ABCA12: variants seen among roughly 807,000 people sequenced by gnomAD.
ABCA12 encodes the protein glucosylceramide transporter ABCA12.
In ABCA12, 156 loss-of-function variants were observed where a neutral mutation model predicts 293.5. That is an observed-to-expected ratio of 0.53 (90% CI 0.47 to 0.61). The LOEUF (loss-of-function observed/expected upper bound fraction) is 0.61. ABCA12 is among the 20% of genes least tolerant of loss of function. ABCA12 has a pLI of 0.00. For synonymous variants in ABCA12, 1,063 were observed against 1,108.0 expected (o/e 0.96, Z 0.81); for missense variants, 2,797 against 3,090.2 (o/e 0.91, Z 2.25).
At chr2:214,941,682 T>C (rs892902126) in intron 50 of ABCA12, among the ~76,000 whole-genome samples, 2 of 152,206 alleles carry the variant, frequency 1.3e-5, no homozygotes, top group African/African-American at 4.8e-5. Flanking sequence ...CTTGTTGCAT[T>C]GATCCCTTTA....
intron 52 of ABCA12, among the ~76,000 whole-genome samples, chr2:214,933,297 C>T (rs984010409): frequency 1.3e-5 from 2 of 152,114 alleles, no homozygotes; most frequent in Admixed American, 6.6e-5. Context: ...CAAAAACTAT[C>T]GAGAGTCTGT....
Position 214,974,058 on chromosome 2 carries a change from A to G in ABCA12, c.5469-16T>C, listed in dbSNP as rs142349854. On this transcript the variant is annotated splice_polypyrimidine_tract_variant and intron_variant, in intron 35 of 52. Coordinates refer to ENST00000272895, the MANE Select transcript of ABCA12 (RefSeq NM_173076.3). ...TAAACACTGTCTGCAAGTTAAAATG[A>G]TATTGCTGTGAGGTGTGTATGTATA... 4.2e-3 allele frequency: 6,778 copies of G among 1,607,148 alleles called. 218 individuals are homozygous for G. The Admixed American group carries it at 0.077, about 18-fold the overall frequency.
chr2:215,053,361 T>G (rs573249999), intron 4 of ABCA12, among the ~76,000 whole-genome samples: 15 of 152,220 alleles, frequency 9.9e-5, no homozygotes, highest in African/African-American at 3.6e-4. Context: ...TCATCAGCAG[T>G]AGGGCCTAGG....
intron 2 of ABCA12, among the ~76,000 whole-genome samples, chr2:215,072,825 G>A (rs978519973): frequency 2.2e-4 from 33 of 152,178 alleles, no homozygotes; most frequent in African/African-American, 9.7e-5. Context: ...CGCCAGGCGC[G>A]GTGGCTCACG....
At chr2:215,062,350 C>T (rs1701545945) in intron 3 of ABCA12, among the ~76,000 whole-genome samples, 1 of 151,996 alleles carries the variant, frequency 6.6e-6, no homozygotes, top group African/African-American at 2.4e-5. Flanking sequence ...TAGACACTAG[C>T]TGGCAGTGGT....
chr2:214,951,058 A>G lies in ABCA12; in HGVS notation c.6673T>C (p.Ser2225Pro). 1.2e-6 allele frequency: 2 copies of G among 1,614,108 alleles called. No homozygotes were observed. The highest frequency in any genetic ancestry group is 1.7e-6 in the Non-Finnish European group (2 of 1,180,012). ...TCATCTATTGTCTCCCTTACATGTGAAGAATTAAATTTTCTGAAGAAAAGC... is the reference window on the plus strand; with the variant it reads ...TCATCTATTGTCTCCCTTACATGTGGAGAATTAAATTTTCTGAAGAAAAGC... ...LRLFFRKFNS[S>P]HVRETIDEDE... is the part of the protein sequence containing the mutation. The change falls in exon 45 of 53, where the codon TCA becomes CCA. Residue 2225 changes from serine to proline, a missense_variant. Physicochemically the swap from Ser to Pro is moderately conservative, Grantham distance 74 (BLOSUM62 -1). Coordinates refer to ENST00000272895, the MANE Select transcript of ABCA12 (RefSeq NM_173076.3).
At chr2:215,128,982 T>C (rs745564564) in intron 1 of ABCA12, among the ~76,000 whole-genome samples, 1 of 152,206 alleles carries the variant, frequency 6.6e-6, no homozygotes, top group African/African-American at 2.4e-5. Flanking sequence ...TTTTGTCCCA[T>C]GGGGTGTTCC....
rs750042258 is a variant in ABCA12, at chr2:214,948,736, A to T, written c.6964T>A (p.Ser2322Thr). The T allele has an allele frequency of 1.9e-6, 3 of 1,614,042 alleles. No homozygotes were observed. The highest frequency in any genetic ancestry group is 2.5e-6 in the Non-Finnish European group (3 of 1,179,958). ...GNILIRNKTG[S>T]LGHVDSHSSL... Reference sequence around the variant, plus strand: ...CTGTGAGAATCAACGTGACCCAGAGATCTGAATTGAGAGAATCAAAAACAC... The same window carrying T: ...CTGTGAGAATCAACGTGACCCAGAGTTCTGAATTGAGAGAATCAAAAACAC... Residue 2322 changes from serine to threonine, a missense_variant and splice_region_variant, in exon 47 of 53, where the codon TCT becomes ACT. Physicochemically the swap from Ser to Thr is moderately conservative, Grantham distance 58. Transcript: ENST00000272895.
chr2:215,044,896 A>T (rs1360268143), intron 7 of ABCA12, among the ~76,000 whole-genome samples: 12 of 152,318 alleles, frequency 7.9e-5, no homozygotes, highest in South Asian at 2.1e-4. Context: ...TGCTCTAGAC[A>T]TATAAAATAG....
At chr2:215,010,225 G>T in intron 18 of ABCA12, 106 bp downstream of exon 18, 7 of 1,342,502 alleles carry the variant, frequency 5.2e-6, no homozygotes, top group Non-Finnish European at 7.4e-6. Flanking sequence ...AATAATAATA[G>T]TAGGTAAGAT....
At position 214,983,633 on chromosome 2, in the gene ABCA12, C is replaced by G. The variant is rs373644245; in HGVS notation, c.4382+14G>C. On this transcript the variant is annotated intron_variant, in intron 29 of 52. Transcript: ENST00000272895. Reference sequence around the variant, plus strand: ...GAGTTAGCAACTTAGGTTCTCATTCCTGTCTTAACTTGCCTTTTTACTTCC... The same window carrying G: ...GAGTTAGCAACTTAGGTTCTCATTCGTGTCTTAACTTGCCTTTTTACTTCC... 6.2e-7 allele frequency: 1 copy of G among 1,612,130 alleles called. No homozygotes were observed. Among genetic ancestry groups the G allele is most frequent in the East Asian group, 2.2e-5 (1 of 44,854 alleles).
chr2:214,970,310 A>G lies in ABCA12; in HGVS notation c.5653T>C (p.Tyr1885His), dbSNP rs770930932. 14 of 1,613,018 alleles carry G rather than the reference A, an allele frequency of 8.7e-6. No homozygotes were observed. The highest frequency in any genetic ancestry group is 4.5e-5 in the East Asian group (2 of 44,784). ...YNLTGQRVEN[Y>H]LISTANEFVQ... The stretch of plus-strand genomic sequence containing the variant: ...AACTCATTTGCAGTTGATATAAGAT[A>G]ATTTTCCACTCGTTGCCCAGTGAGG... The change falls in exon 37 of 53, where the codon TAT (tyrosine) becomes CAT (histidine). Residue 1885 changes from tyrosine (Y) to histidine (H), a missense_variant. This residue lies in a region of ABCA12 where 2,130 missense variants were observed against 2,427.0 expected (regional missense o/e 0.88). Transcript: ENST00000272895.
At chr2:214,992,462 G>GAAAAAAAAAAAAAAAAAAAAA (rs35911401) in intron 23 of ABCA12, among the ~76,000 whole-genome samples, 1 of 77,358 alleles carries the variant, frequency 1.3e-5, no homozygotes, top group Non-Finnish European at 2.1e-5. Flanking sequence ...AAAAAAAAAT[G>GAAAAAAAAAAAAAAAAAAAAA]AAAAAAAAAA....
At chr2:214,959,668 T>C (rs569777292) in intron 39 of ABCA12, among the ~76,000 whole-genome samples, 1 of 152,270 alleles carries the variant, frequency 6.6e-6, no homozygotes, top group East Asian at 1.9e-4. Flanking sequence ...GGCCTTTTCA[T>C]TGAGACATAA....
chr2:215,135,764 C>T (rs1428791887), intron 1 of ABCA12, among the ~76,000 whole-genome samples: 3 of 152,006 alleles, frequency 2.0e-5, no homozygotes, highest in Non-Finnish European at 2.9e-5. Flanking sequence ...ATTTTATCCC[C>T]CTTTAGATCT....
chr2:214,938,733 T>A (rs1698302272), intron 50 of ABCA12, among the ~76,000 whole-genome samples: 1 of 152,244 alleles, frequency 6.6e-6, no homozygotes, highest in South Asian at 2.1e-4. Flanking sequence ...ATTTTCTTCA[T>A]GTTTGTTGGC....
chr2:215,004,613 T>G (rs1380763727), intron 19 of ABCA12, among the ~76,000 whole-genome samples: 2 of 152,202 alleles, frequency 1.3e-5, no homozygotes. Context: ...GCTATATTAT[T>G]CCTTTTTAAT....
chr2:215,129,796 C>G (rs922338977), intron 1 of ABCA12, among the ~76,000 whole-genome samples: 1 of 152,056 alleles, frequency 6.6e-6, no homozygotes, highest in Non-Finnish European at 1.5e-5. Flanking sequence ...CATTATAAAT[C>G]CTTTGCCTAG....
intron 23 of ABCA12, among the ~76,000 whole-genome samples, chr2:214,993,348 G>A (rs771844453): frequency 7.9e-5 from 12 of 152,194 alleles, no homozygotes; most frequent in Admixed American, 3.3e-4. Context: ...TTCCCCAATT[G>A]CTACACATGC....
Sources: allele counts gnomAD v4.1 joint callset (sites outside exome capture counted in the v4.1 genomes callset), GRCh38; gene constraint gnomAD v4.1.1; regional missense constraint gnomAD v4.1.1; transcripts MANE v1.5; gene names NCBI Gene and HGNC (gene_info 2026-07-23, HGNC 2026-07-21).